CACNA1C: variants seen among roughly 807,000 people sequenced by gnomAD.
CACNA1C encodes calcium voltage-gated channel subunit alpha1 C, also known as voltage-dependent L-type calcium channel subunit alpha-1C.
CACNA1C carries 30 observed loss-of-function variants against 229.0 expected under a neutral mutation model. That is an observed-to-expected ratio of 0.13 (90% CI 0.10 to 0.18). The LOEUF (loss-of-function observed/expected upper bound fraction) is 0.18, where lower values mean the gene tolerates loss of function less well. Among genes scored for constraint, CACNA1C ranks in the 10% least tolerant of loss-of-function variants. The pLI is 1.00. For synonymous variants in CACNA1C, 1,114 were observed against 1,132.5 expected (o/e 0.98, Z 0.33); for missense variants, 1,658 against 2,845.0 (o/e 0.58, Z 9.49).
intron 1 of CACNA1C, among the ~76,000 whole-genome samples, chr12:2,112,545 C>T (rs1216834856): frequency 2.0e-5 from 3 of 152,124 alleles, no homozygotes; most frequent in Non-Finnish European, 2.9e-5. Context: ...GAGAATGTGG[C>T]TATGAACTGG....
chr12:2,154,506 G>C (rs979833931), intron 3 of CACNA1C, among the ~76,000 whole-genome samples: 1 of 152,174 alleles, frequency 6.6e-6, no homozygotes, highest in Non-Finnish European at 1.5e-5. Context: ...CTCCTCACCC[G>C]GGGCCAGCAG....
intron 1 of CACNA1C, among the ~76,000 whole-genome samples, chr12:2,056,969 G>A (rs2055230773): frequency 6.6e-6 from 1 of 152,208 alleles, no homozygotes; most frequent in Non-Finnish European, 1.5e-5. Context: ...GACCTGGGGT[G>A]TTGAGAGAGA....
At chr12:2,452,439 T>C (rs150758514) in intron 4 of CACNA1C, among the ~76,000 whole-genome samples, 102 of 152,164 alleles carry the variant, frequency 6.7e-4, no homozygotes, top group African/African-American at 2.4e-3. Flanking sequence ...GCCCTGCCTT[T>C]CCCATTCTCT....
intron 4 of CACNA1C, among the ~76,000 whole-genome samples, chr12:2,450,553 CAAA>C (rs796416420): frequency 5.1e-5 from 2 of 39,014 alleles, no homozygotes; most frequent in Admixed American, 4.5e-4. Context: ...GACTCCATCT[CAAA>C]AAAAAAAAAA....
intron 3 of CACNA1C, among the ~76,000 whole-genome samples, chr12:2,262,550 G>A (rs2080685961): frequency 6.6e-6 from 1 of 152,298 alleles, no homozygotes; most frequent in Admixed American, 6.5e-5. Context: ...TGAAATGCAG[G>A]GAGCCAGGAT....
chr12:2,276,167 CTG>C (rs1405715118), intron 3 of CACNA1C, among the ~76,000 whole-genome samples: 1 of 152,076 alleles, frequency 6.6e-6, no homozygotes, highest in Non-Finnish European at 1.5e-5. Context: ...GAGCAGAAAA[CTG>C]AGACCTAACA....
At chr12:2,281,935 G>A (rs1392641308) in intron 3 of CACNA1C, among the ~76,000 whole-genome samples, 2 of 151,742 alleles carry the variant, frequency 1.3e-5, no homozygotes, top group African/African-American at 2.4e-5. Context: ...TGACATTGTC[G>A]AACAGATCAC....
At chr12:2,391,321 C>A (rs1043131501) in intron 3 of CACNA1C, among the ~76,000 whole-genome samples, 1 of 152,076 alleles carries the variant, frequency 6.6e-6, no homozygotes, top group African/African-American at 2.4e-5. Context: ...AATACTGACT[C>A]CTCGGTGCAC....
rs1360191515 is a variant in CACNA1C at position 2,408,242 on chromosome 12, A to G, written c.478-40734A>G. Among the ~76,000 whole-genome samples the G allele has an allele frequency of 2.0e-5, 3 of 152,342 alleles. No homozygotes were observed. The East Asian group carries it at 5.8e-4, about 29-fold the overall frequency. On this transcript the variant is annotated intron_variant, in intron 3 of 46. Transcript: ENST00000399655. ...TTGTAGTTTCCAGGGATTGGAGGGA[A>G]GGGATCATGGGGATTTATTATTTAT...
intron 3 of CACNA1C, among the ~76,000 whole-genome samples, chr12:2,358,257 G>A (rs1344714384): frequency 7.7e-4 from 5 of 6,504 alleles, no homozygotes; most frequent in Non-Finnish European, 1.1e-3. Flanking sequence ...CCTCCTGTGT[G>A]TGTGTGTGTG....
chr12:2,191,438 C>T (rs1374722057), intron 3 of CACNA1C, among the ~76,000 whole-genome samples: 1 of 152,122 alleles, frequency 6.6e-6, no homozygotes, highest in African/African-American at 2.4e-5. Context: ...CACCGGGAGT[C>T]ACGTTCTCTG....
chr12:2,081,989 G>A (rs55966742), intron 1 of CACNA1C, among the ~76,000 whole-genome samples: 11,286 of 152,006 alleles, frequency 0.074, 961 homozygotes, highest in African/African-American at 0.21. Flanking sequence ...CACAGCAACC[G>A]TATGAAAAAG....
At chr12:2,153,353 C>G (rs544439576) in intron 3 of CACNA1C, among the ~76,000 whole-genome samples, 47 of 152,074 alleles carry the variant, frequency 3.1e-4, no homozygotes, top group Non-Finnish European at 5.9e-4. Context: ...CACATTTTAA[C>G]CATTTTAAAG....
At chr12:2,267,089 T>C (rs372156601) in intron 3 of CACNA1C, among the ~76,000 whole-genome samples, 5 of 152,168 alleles carry the variant, frequency 3.3e-5, no homozygotes, top group African/African-American at 9.7e-5. Flanking sequence ...GTTTGTGTAG[T>C]GTCTCTGTGA....
At chr12:2,052,311 G>A (rs917053491), upstream of CACNA1C, among the ~76,000 whole-genome samples, 3 of 151,954 alleles carry the variant, frequency 2.0e-5, no homozygotes, top group African/African-American at 7.2e-5. Context: ...TGCCCCTCCC[G>A]CTTCCCCTCC....
chr12:1,995,649 G>A (rs2040619273), intron 1 of CACNA1C, among the ~76,000 whole-genome samples: 1 of 152,172 alleles, frequency 6.6e-6, no homozygotes, highest in African/African-American at 2.4e-5. Context: ...CTCCTGCCCA[G>A]CATACACAGA....
Position 2,394,041 on chromosome 12 carries a change from G to A in CACNA1C, c.478-54935G>A, listed in dbSNP as rs2098531195. Among the ~76,000 whole-genome samples the A allele has an allele frequency of 2.0e-5, 3 of 151,764 alleles. No individual in the cohort carries two copies. In the South Asian group the frequency reaches 6.3e-4, roughly 32 times the overall value. The stretch of plus-strand genomic sequence containing the variant: ...GATCTCTTGAGCCTAGGAGGTCGAG[G>A]CTGCAGTGAGCTATGATTGTGCCAC... On this transcript the variant is annotated intron_variant, in intron 3 of 46. Coordinates refer to ENST00000399655, the MANE Select transcript of CACNA1C (RefSeq NM_000719.7).
chr12:2,002,645 A>G (rs926623114), intron 1 of CACNA1C, among the ~76,000 whole-genome samples: 8 of 152,208 alleles, frequency 5.3e-5, no homozygotes, highest in African/African-American at 1.9e-4. Context: ...CTCTCTTTAT[A>G]CTGACAGTTT....
intron 3 of CACNA1C, among the ~76,000 whole-genome samples, chr12:2,383,402 T>A (rs2098300731): frequency 6.6e-6 from 1 of 152,116 alleles, no homozygotes; most frequent in African/African-American, 2.4e-5. Context: ...GCAACATAGC[T>A]GTAGTTCGTT....
Sources: gnomAD v4.1 joint callset for allele counts (sites outside exome capture counted in the v4.1 genomes callset) on GRCh38, gnomAD v4.1.1 for gene constraint, MANE v1.5 for transcripts, NCBI Gene and HGNC (gene_info 2026-07-23, HGNC 2026-07-21) for gene names.